LY86: variants seen among roughly 807,000 people sequenced by gnomAD.
The protein encoded by LY86 is lymphocyte antigen 86.
In LY86, 20 loss-of-function variants were observed where a neutral mutation model predicts 17.3. The observed-to-expected ratio is 1.15, with a 90% CI of 0.81 to 1.68. The LOEUF (loss-of-function observed/expected upper bound fraction) is 1.68. LY86 is among the 40% of genes most tolerant of loss of function. The probability of loss-of-function intolerance (pLI) is 0.00; values close to 1 mark genes in which losing one functional copy is unlikely to be tolerated. For missense variants in LY86, 200 were observed against 191.9 expected (o/e 1.04, Z -0.25); for synonymous variants, 74 against 70.6 (o/e 1.05, Z -0.24).
intron 1 of LY86, among the ~76,000 whole-genome samples, chr6:6,624,570 C>T (rs995690612): frequency 1.3e-5 from 2 of 152,052 alleles, no homozygotes; most frequent in African/African-American, 4.8e-5. Context: ...TTATTAAATC[C>T]GCTATGCAAT....
intron 3 of LY86, among the ~76,000 whole-genome samples, chr6:6,633,187 C>A (rs1348998234): frequency 6.6e-6 from 1 of 152,138 alleles, no homozygotes; most frequent in Non-Finnish European, 1.5e-5. Flanking sequence ...ATTCTTGCTC[C>A]ACAAGCTCTA....
At chr6:6,644,650 C>CAA (rs113727027) in intron 3 of LY86, among the ~76,000 whole-genome samples, 15 of 145,928 alleles carry the variant, frequency 1.0e-4, no homozygotes, top group African/African-American at 3.5e-4. Flanking sequence ...AGATCTGGGT[C>CAA]AAAAAAAAAA....
intron 3 of LY86, among the ~76,000 whole-genome samples, chr6:6,642,533 C>T (rs1762054398): frequency 1.3e-5 from 2 of 152,242 alleles, no homozygotes; most frequent in Non-Finnish European, 2.9e-5. Context: ...AAACCTCCAG[C>T]CTTTAAGGCC....
At chr6:6,639,771 A>C (rs1762012801) in intron 3 of LY86, among the ~76,000 whole-genome samples, 1 of 152,158 alleles carries the variant, frequency 6.6e-6, no homozygotes, top group African/African-American at 2.4e-5. Flanking sequence ...TTGCCATATA[A>C]GGTAACATAT....
intron 4 of LY86, 130 bp from the exon 5 acceptor site, chr6:6,654,414 T>G: frequency 1.5e-6 from 1 of 684,040 alleles, no homozygotes; most frequent in Non-Finnish European, 2.6e-6. Context: ...GGGGTTGGCT[T>G]GTCTTGTTCT....
At chr6:6,635,222 C>G (rs1190113930) in intron 3 of LY86, among the ~76,000 whole-genome samples, 2 of 152,146 alleles carry the variant, frequency 1.3e-5, no homozygotes, top group Non-Finnish European at 2.9e-5. Flanking sequence ...TGTTCCAAGA[C>G]CCCCAGTGCA....
intron 1 of LY86, among the ~76,000 whole-genome samples, chr6:6,616,842 C>A (rs139172911): frequency 3.3e-5 from 5 of 152,368 alleles, no homozygotes; most frequent in Non-Finnish European, 4.4e-5. Context: ...CCCTGTGCAT[C>A]TGGCCCTGTT....
intron 3 of LY86, among the ~76,000 whole-genome samples, chr6:6,640,598 G>A (rs1353769810): frequency 2.0e-5 from 3 of 151,572 alleles, no homozygotes; most frequent in African/African-American, 2.4e-5. Flanking sequence ...GTGTAGTCCT[G>A]GCTACTTGGG....
rs1762232191 is a variant in LY86 at position 6,654,528 on chromosome 6, C to T, written c.406-16C>T. The T allele has an allele frequency of 6.3e-7, 1 of 1,598,806 alleles. No homozygotes were observed. The highest frequency in any genetic ancestry group is 8.6e-7 in the Non-Finnish European group (1 of 1,166,166). On this transcript the variant is annotated splice_polypyrimidine_tract_variant and intron_variant, in intron 4 of 4. Transcript: ENST00000230568. The stretch of plus-strand genomic sequence containing the variant: ...TGTGGGTCACACGTCTAATACTTGA[C>T]CTGTGCCCCTTGCAGGGAGAATACC...
intron 1 of LY86, among the ~76,000 whole-genome samples, chr6:6,611,978 T>C (rs1021898715): frequency 2.0e-5 from 3 of 152,198 alleles, no homozygotes; most frequent in Non-Finnish European, 4.4e-5. Flanking sequence ...AAAGGATATC[T>C]ACCCCCTTAA....
intron 1 of LY86, among the ~76,000 whole-genome samples, chr6:6,598,924 A>G (rs1760811999): frequency 6.6e-6 from 1 of 152,176 alleles, no homozygotes; most frequent in Non-Finnish European, 1.5e-5. Context: ...TTCCATTTGT[A>G]TATTCTGTGC....
chr6:6,593,810 T>C (rs1016909825), intron 1 of LY86, among the ~76,000 whole-genome samples: 1 of 152,184 alleles, frequency 6.6e-6, no homozygotes, highest in African/African-American at 2.4e-5. Context: ...CCATGGTGAC[T>C]CAAACCCGCT....
chr6:6,616,722 A>G (rs1761562827), intron 1 of LY86, among the ~76,000 whole-genome samples: 1 of 152,174 alleles, frequency 6.6e-6, no homozygotes. Context: ...CTTTTAAATC[A>G]TATCTAGTTC....
intron 1 of LY86, among the ~76,000 whole-genome samples, chr6:6,614,311 G>C (rs1002479963): frequency 6.6e-6 from 1 of 152,002 alleles, no homozygotes; most frequent in South Asian, 2.1e-4. Context: ...GGCTACAAAA[G>C]ATGTTGCTTG....
Position 6,606,729 on chromosome 6 carries a change from C to T in LY86, c.136+17859C>T, listed in dbSNP as rs1020274541. Among the ~76,000 whole-genome samples, 18 of 152,326 alleles carry T rather than the reference C, an allele frequency of 1.2e-4. No homozygotes were observed. In the East Asian group the frequency reaches 1.4e-3, roughly 11 times the overall value. On this transcript the variant is annotated intron_variant, in intron 1 of 4. Transcript: ENST00000230568. ...GCGGACCTGCAGCACTTGCGGGGCC[C>T]GCTGAGCCCACGCCCACCCGGAACT...
chr6:6,610,546 G>T (rs188235670), intron 1 of LY86, among the ~76,000 whole-genome samples: 5 of 152,250 alleles, frequency 3.3e-5, no homozygotes, highest in East Asian at 1.9e-4. Context: ...GAAGCTTAGG[G>T]GGGGGCAAGG....
chr6:6,600,032 G>A (rs374634118), intron 1 of LY86, among the ~76,000 whole-genome samples: 11 of 152,088 alleles, frequency 7.2e-5, no homozygotes, highest in South Asian at 4.1e-4. Context: ...ATTTCCCCAC[G>A]TCCTGTTTTG....
intron 1 of LY86, among the ~76,000 whole-genome samples, chr6:6,606,275 A>G (rs1359248204): frequency 6.6e-6 from 1 of 152,138 alleles, no homozygotes; most frequent in Non-Finnish European, 1.5e-5. Flanking sequence ...AGAGTAGCTA[A>G]ACACAGAGTG....
In LY86 at chr6:6,613,403, G is replaced by A. The variant is rs1226608341; in HGVS notation, c.137-11523G>A. 3.9e-5 allele frequency among the ~76,000 whole-genome samples: 6 copies of A among 152,176 alleles called. 1 individual carries two copies. The South Asian group carries it at 8.3e-4, about 21-fold the overall frequency. On this transcript the variant is annotated intron_variant, in intron 1 of 4. Transcript: ENST00000230568. ...AGTGGGGAGCGGGAGGAGACTTCAG[G>A]CATGGTGGGCTGCAGGTCCTGAGCC...
Sources: gnomAD v4.1 joint callset for allele counts (sites outside exome capture counted in the v4.1 genomes callset) on GRCh38, gnomAD v4.1.1 for gene constraint, MANE v1.5 for transcripts, NCBI Gene and HGNC (gene_info 2026-07-23, HGNC 2026-07-21) for gene names.